The following GLB1L2 variants were observed in gnomAD, a reference collection of about 807,000 sequenced individuals.
GLB1L2 encodes beta-galactosidase-1-like protein 2.
In GLB1L2, 68 loss-of-function variants were observed where a neutral mutation model predicts 84.1. The observed-to-expected ratio is 0.81, with a 90% CI of 0.67 to 0.99. The LOEUF (loss-of-function observed/expected upper bound fraction) is 0.99. GLB1L2 is among the 50% of genes least tolerant of loss of function. GLB1L2 has a pLI of 0.00. For missense variants in GLB1L2, 762 were observed against 805.6 expected (o/e 0.95, Z 0.66); for synonymous variants, 290 against 318.0 (o/e 0.91, Z 0.94).
chr11:134,366,958 C>A lies in GLB1L2; in HGVS notation c.805-299C>A, dbSNP rs1255910346. 3 of 403,920 alleles carry A rather than the reference C, an allele frequency of 7.4e-6. No individual in the cohort carries two copies. In the Admixed American group the frequency reaches 1.2e-4, roughly 16 times the overall value. The allele number at this position is 403,920 out of a possible 1,614,324, so 25.0% of individuals were successfully genotyped here. ...GAGGACAGGCAAAGCTTGGCTTGAT[C>A]CTGGACCAGTGTCTTCTTGCTAACA... is the stretch of plus-strand genomic sequence containing the variant. On this transcript the variant is annotated intron_variant, in intron 8 of 18. Transcript: ENST00000535456.
At chr11:134,355,413 T>C (rs564991883) in intron 5 of GLB1L2, among the ~76,000 whole-genome samples, 90 of 152,340 alleles carry the variant, frequency 5.9e-4, no homozygotes, top group African/African-American at 2.1e-3. Flanking sequence ...TGGTTGAACA[T>C]TGGGCTTTTG....
intron 5 of GLB1L2, among the ~76,000 whole-genome samples, chr11:134,351,590 C>G (rs535756208): frequency 1.3e-5 from 2 of 152,152 alleles, no homozygotes; most frequent in African/African-American, 4.8e-5. Flanking sequence ...GGTGATCCAC[C>G]TGCCTCAGCC....
intron 1 of GLB1L2, among the ~76,000 whole-genome samples, chr11:134,337,906 T>C (rs1943410100): frequency 6.6e-6 from 1 of 152,218 alleles, no homozygotes; most frequent in Non-Finnish European, 1.5e-5. Flanking sequence ...AAAAATTGAA[T>C]TTGTAAGCTA....
intron 6 of GLB1L2, among the ~76,000 whole-genome samples, chr11:134,357,196 G>A (rs1208602128): frequency 1.3e-5 from 2 of 152,224 alleles, no homozygotes; most frequent in African/African-American, 4.8e-5. Context: ...CTGAAGGCCG[G>A]ACGGCTTTGG....
intron 1 of GLB1L2, among the ~76,000 whole-genome samples, chr11:134,332,726 C>T (rs929231475): frequency 6.6e-6 from 1 of 152,162 alleles, no homozygotes; most frequent in African/African-American, 2.4e-5. Flanking sequence ...CTCCACTTTC[C>T]CACCATTCAC....
At chr11:134,368,182 T>C (rs1468153514) in intron 9 of GLB1L2, among the ~76,000 whole-genome samples, 1 of 152,256 alleles carries the variant, frequency 6.6e-6, no homozygotes, top group Non-Finnish European at 1.5e-5. Flanking sequence ...ATAAAATATA[T>C]ATTTATTAAC....
intron 1 of GLB1L2, among the ~76,000 whole-genome samples, chr11:134,335,263 G>A (rs1035532597): frequency 6.6e-6 from 1 of 150,394 alleles, no homozygotes; most frequent in Admixed American, 6.6e-5. Context: ...GGCCAGTCCT[G>A]TCTTCCAAGG....
In GLB1L2 at chr11:134,344,557, C is replaced by T. The variant is rs1943518049; in HGVS notation, c.353+102C>T. ...AAGAGAACCAGGGAGGGACGTGGGT[C>T]TGGAGTCCTGTTCTAGGACTGTGAG... On this transcript the variant is annotated intron_variant, in intron 3 of 18. Coordinates refer to ENST00000535456, the MANE Select transcript of GLB1L2 (RefSeq NM_001370461.1). 4.0e-6 allele frequency: 5 copies of T among 1,261,692 alleles called. No homozygotes were observed. The African/African-American group carries it at 5.9e-5, about 15-fold the overall frequency. 78.2% of individuals were successfully genotyped at this position (1,261,692 alleles called of 1,614,324 possible).
chr11:134,345,070 G>A lies in GLB1L2; in HGVS notation c.390G>A (p.Trp130Ter), dbSNP rs762816327. The change falls in exon 4 of 19, where the codon TGG becomes TGA. Residue 130 changes from tryptophan (W) to a stop codon, truncating the protein, a stop_gained. Coordinates refer to ENST00000535456, the MANE Select transcript of GLB1L2 (RefSeq NM_001370461.1). LOFTEE classifies it high-confidence loss of function. ...FVLMAAEIGL[W>*]VILRPGPYIC... Reference sequence around the variant, plus strand: ...TGATGGCCGCAGAGATCGGGCTGTGGGTGATTCTGCGTCCAGGCCCCTACA... The same window carrying A: ...TGATGGCCGCAGAGATCGGGCTGTGAGTGATTCTGCGTCCAGGCCCCTACA... 6.2e-7 allele frequency: 1 copy of A among 1,613,520 alleles called. No homozygotes were observed. Among genetic ancestry groups the A allele is most frequent in the Non-Finnish European group, 8.5e-7 (1 of 1,179,702 alleles).
intron 15 of GLB1L2, among the ~76,000 whole-genome samples, 153 bp from the exon 16 acceptor site, chr11:134,373,568 C>T (rs1304303470): frequency 1.3e-5 from 2 of 152,068 alleles, no homozygotes; most frequent in African/African-American, 2.4e-5. Flanking sequence ...TCCCAGGGAG[C>T]GTACACTTCA....
chr11:134,358,501 T>C (rs140729216), intron 6 of GLB1L2, among the ~76,000 whole-genome samples: 4 of 152,398 alleles, frequency 2.6e-5, no homozygotes, highest in African/African-American at 9.6e-5. Flanking sequence ...ACTCTCTGCT[T>C]TACAGCTGGG....
intron 5 of GLB1L2, among the ~76,000 whole-genome samples, chr11:134,355,598 C>T (rs550207879): frequency 2.0e-5 from 3 of 152,300 alleles, no homozygotes; most frequent in East Asian, 3.9e-4. Context: ...CCTCCCTGGT[C>T]GCTTTCAAGG....
chr11:134,333,939 G>A (rs1047886761), intron 1 of GLB1L2, among the ~76,000 whole-genome samples: 5 of 152,172 alleles, frequency 3.3e-5, no homozygotes, highest in Non-Finnish European at 7.3e-5. Flanking sequence ...CGTGTCTTCA[G>A]ATCCTGTGGA....
In GLB1L2 at chr11:134,334,616, C is replaced by T. The variant is rs529302096; in HGVS notation, c.86+2469C>T. On this transcript the variant is annotated intron_variant, in intron 1 of 18. Coordinates refer to ENST00000535456, the MANE Select transcript of GLB1L2 (RefSeq NM_001370461.1). The surrounding 1 kb of genome is among the most constrained non-coding windows in gnomAD (Gnocchi z 4.1). ...AGATTGTGAAAACAGCCACCAGCCC[C>T]CAAAGTTTCCATGTACCTCTCTGTC... 1.2e-4 allele frequency among the ~76,000 whole-genome samples: 18 copies of T among 152,184 alleles called. No homozygotes were observed. Among genetic ancestry groups the T allele is most frequent in the Admixed American group, 1.0e-3 (16 of 15,288 alleles).
At position 134,347,380 on chromosome 11, in the gene GLB1L2, G is replaced by C; in HGVS notation, c.505G>C (p.Glu169Gln). ...RLRTTYKGFT[E>Q]AVDLYFDHLM... is the part of the protein sequence containing the mutation. ...GAGGACAACTTACAAGGGCTTCACC[G>C]AAGCAGTGGACCTTTATTTTGACCA... Residue 169 changes from glutamate (E) to glutamine (Q), a missense_variant, in exon 5 of 19, where the codon GAA becomes CAA. Transcript: ENST00000535456. The C allele has an allele frequency of 1.2e-6, 2 of 1,614,160 alleles. No individual in the cohort carries two copies. Among genetic ancestry groups the C allele is most frequent in the Non-Finnish European group, 1.7e-6 (2 of 1,180,008 alleles).
chr11:134,371,500 G>GT lies in GLB1L2; in HGVS notation c.1428+13dup. The GT allele has an allele frequency of 6.5e-7, 1 of 1,544,334 alleles. No homozygotes were observed. Among genetic ancestry groups the GT allele is most frequent in the Non-Finnish European group, 9.0e-7 (1 of 1,116,618 alleles). The stretch of plus-strand genomic sequence containing the variant: ...GCTGTCCCCCTGATCCAGGTTCGTT[G>GT]TTTTTGGGAGCTGGGTGATGGCTAG... On this transcript the variant is annotated intron_variant, in intron 14 of 18. Coordinates refer to ENST00000535456, the MANE Select transcript of GLB1L2 (RefSeq NM_001370461.1).
intron 1 of GLB1L2, among the ~76,000 whole-genome samples, chr11:134,333,753 G>A (rs573235025): frequency 2.6e-5 from 4 of 152,346 alleles, no homozygotes; most frequent in East Asian, 3.9e-4. Context: ...TGGGGTGACC[G>A]CACTAGGAGT....
chr11:134,335,274 G>A (rs1489069000), intron 1 of GLB1L2, among the ~76,000 whole-genome samples: 1 of 151,512 alleles, frequency 6.6e-6, no homozygotes, highest in Non-Finnish European at 1.5e-5. Flanking sequence ...TCTTCCAAGG[G>A]TATGTGGCCA....
At chr11:134,357,963 A>C (rs1943727304) in intron 6 of GLB1L2, among the ~76,000 whole-genome samples, 1 of 152,092 alleles carries the variant, frequency 6.6e-6, no homozygotes, top group Admixed American at 6.5e-5. Context: ...AATATCAGTG[A>C]ATGATAGTGT....
Sources: gnomAD v4.1 joint callset for allele counts (sites outside exome capture counted in the v4.1 genomes callset) on GRCh38, gnomAD v4.1.1 for gene constraint, Gnocchi (gnomAD v3.1) non-coding constraint, MANE v1.5 for transcripts, NCBI Gene and HGNC (gene_info 2026-07-23, HGNC 2026-07-21) for gene names.